Variants in EPB41L2 observed in about 807,000 individuals in gnomAD.
EPB41L2 encodes erythrocyte membrane protein band 4.1 like 2.
EPB41L2 carries 43 observed loss-of-function variants against 113.0 expected under a neutral mutation model. The ratio of observed to expected loss-of-function variants is 0.38; its 90% confidence interval spans 0.30 to 0.49. EPB41L2 has a LOEUF of 0.49. Ranked by LOEUF, EPB41L2 falls within the 20% of genes least tolerant of loss-of-function variation. The pLI, the probability that EPB41L2 is intolerant of heterozygous loss-of-function variation, is 0.95. For missense variants in EPB41L2, 1,147 were observed against 1,223.4 expected (o/e 0.94, Z 0.93); for synonymous variants, 442 against 436.7 (o/e 1.01, Z -0.15).
At chr6:131,036,583 T>A (rs563725049) in intron 1 of EPB41L2, among the ~76,000 whole-genome samples, 136 of 152,158 alleles carry the variant, frequency 8.9e-4, no homozygotes, top group Non-Finnish European at 1.7e-3. Context: ...TTGCCTCAAG[T>A]TTTTAAACTA....
chr6:131,002,004 T>C (rs555901011), intron 1 of EPB41L2, among the ~76,000 whole-genome samples: 35 of 152,336 alleles, frequency 2.3e-4, no homozygotes, highest in Admixed American at 1.2e-3. Context: ...CAGACATTCC[T>C]TCTCATCTCA....
Position 130,890,287 on chromosome 6 carries a change from T to C in EPB41L2, c.1660+7A>G. 6.3e-7 allele frequency: 1 copy of C among 1,596,402 alleles called. No homozygotes were observed. The highest frequency in any genetic ancestry group is 8.5e-7 in the Non-Finnish European group (1 of 1,172,826). On this transcript the variant is annotated splice_region_variant and intron_variant, in intron 11 of 19. Transcript: ENST00000337057. ...ATGAAAATCAAAATTATCATAAATGTGTTTACCTCCATCTAGACTCCTGGA... is the reference window on the plus strand; with the variant it reads ...ATGAAAATCAAAATTATCATAAATGCGTTTACCTCCATCTAGACTCCTGGA...
At chr6:130,922,419 T>A (rs1467365186) in intron 4 of EPB41L2, among the ~76,000 whole-genome samples, 1 of 152,242 alleles carries the variant, frequency 6.6e-6, no homozygotes, top group Non-Finnish European at 1.5e-5. Context: ...GTGATAGCTA[T>A]GAAAAACTGT....
Position 130,894,962 on chromosome 6 carries a change from C to T in EPB41L2, c.1389+5G>A, listed in dbSNP as rs1359706789. On this transcript the variant is annotated splice_donor_5th_base_variant and intron_variant, in intron 9 of 19. Coordinates refer to ENST00000337057, the MANE Select transcript of EPB41L2 (RefSeq NM_001431.4). Reference sequence around the variant, plus strand: ...CAACAACTGATTAGAAATGTCTTGGCTTACCTCTGCCGGTCTGACTTTAAT... The same window carrying T: ...CAACAACTGATTAGAAATGTCTTGGTTTACCTCTGCCGGTCTGACTTTAAT... The T allele has an allele frequency of 6.2e-7, 1 of 1,611,498 alleles. No individual in the cohort carries two copies. Among genetic ancestry groups the T allele is most frequent in the Non-Finnish European group, 8.5e-7 (1 of 1,178,430 alleles).
chr6:131,009,289 T>C (rs1308568505), intron 1 of EPB41L2, among the ~76,000 whole-genome samples: 2 of 152,170 alleles, frequency 1.3e-5, no homozygotes, highest in Non-Finnish European at 2.9e-5. Flanking sequence ...TGTGAAGAGC[T>C]GCCTTCCACC....
chr6:131,018,414 T>C (rs898973197), intron 1 of EPB41L2, among the ~76,000 whole-genome samples: 8 of 151,314 alleles, frequency 5.3e-5, no homozygotes, highest in African/African-American at 1.9e-4. Flanking sequence ...AAAATCAGGG[T>C]TGTGTTGGTA....
intron 1 of EPB41L2, among the ~76,000 whole-genome samples, chr6:131,058,632 A>G (rs1798055099): frequency 6.6e-6 from 1 of 152,258 alleles, no homozygotes; most frequent in African/African-American, 2.4e-5. Context: ...GGTGCTTCAC[A>G]TCACAAATAC....
intron 1 of EPB41L2, among the ~76,000 whole-genome samples, chr6:130,988,580 G>A (rs1245786304): frequency 6.6e-6 from 1 of 152,176 alleles, no homozygotes; most frequent in Non-Finnish European, 1.5e-5. Flanking sequence ...GGCATCCGAA[G>A]GGGCTGTAAA....
chr6:130,899,621 G>C, intron 7 of EPB41L2, 43 bp from the exon 8 acceptor site: 4 of 1,553,974 alleles, frequency 2.6e-6, no homozygotes, highest in Non-Finnish European at 3.6e-6. Flanking sequence ...AATGGATGCA[G>C]AGCAAATGTA....
intron 11 of EPB41L2, among the ~76,000 whole-genome samples, chr6:130,885,949 C>G (rs548026446): frequency 2.6e-5 from 4 of 152,162 alleles, no homozygotes; most frequent in Admixed American, 1.3e-4. Flanking sequence ...TACAGATAGG[C>G]AGAAATGTAC....
At chr6:130,980,089 G>A (rs1779052134) in intron 1 of EPB41L2, among the ~76,000 whole-genome samples, 1 of 152,198 alleles carries the variant, frequency 6.6e-6, no homozygotes, top group African/African-American at 2.4e-5. Context: ...GGCAAGGGCA[G>A]ATTGCTTCAG....
Position 130,861,142 on chromosome 6 carries a change from C to T in EPB41L2, c.2910+2496G>A, listed in dbSNP as rs548247813. 1.4e-4 allele frequency among the ~76,000 whole-genome samples: 22 copies of T among 151,862 alleles called. 1 individual carries two copies. The highest frequency in any genetic ancestry group is 1.2e-3 in the Admixed American group (19 of 15,266). On this transcript the variant is annotated intron_variant, in intron 18 of 19. Coordinates refer to ENST00000337057, the MANE Select transcript of EPB41L2 (RefSeq NM_001431.4). ...GGCTGGAGTGCAGTGGCGCCATCTC[C>T]GCTCACTGTAAGCTCTGCCTCCCAG...
chr6:130,955,137 A>C lies in EPB41L2; in HGVS notation c.673T>G (p.Leu225Val). 1 of 1,614,164 alleles carries C rather than the reference A, an allele frequency of 6.2e-7. No homozygotes were observed. The highest frequency in any genetic ancestry group is 2.2e-5 in the East Asian group (1 of 44,884). The change falls in exon 3 of 20, where the codon TTA becomes GTA. Residue 225 changes from leucine (L) to valine (V), a missense_variant. Leu to Val is a conservative substitution (Grantham distance 32). Transcript: ENST00000337057. ...TKTVQCKVTL[L>V]DGTEYSCDLE... The stretch of plus-strand genomic sequence containing the variant: ...TCACAGCTGTATTCGGTGCCATCTA[A>C]GAGGGTCACTTTACACTGGACAGTT...
At chr6:130,986,446 AAAAG>A (rs546630433) in intron 1 of EPB41L2, among the ~76,000 whole-genome samples, 3 of 152,336 alleles carry the variant, frequency 2.0e-5, no homozygotes, top group Non-Finnish European at 2.9e-5. Context: ...AAAGAAAAAA[AAAAG>A]AACTGTTGGC....
chr6:130,952,656 A>G (rs1004486407), intron 3 of EPB41L2, among the ~76,000 whole-genome samples: 7 of 152,134 alleles, frequency 4.6e-5, no homozygotes, highest in African/African-American at 1.4e-4. Flanking sequence ...CTAAAAATAC[A>G]AAAATTAGCT....
In EPB41L2 at chr6:130,843,049, C is replaced by T. The variant is rs576563828; in HGVS notation, c.*6-2451G>A. On this transcript the variant is annotated intron_variant, in intron 19 of 19. Transcript: ENST00000337057. Reference sequence around the variant, plus strand: ...GTTATTAGATATTGTGTCAAAACATCCCAGTTCCTTATTGGCGTGGATGAA... The same window carrying T: ...GTTATTAGATATTGTGTCAAAACATTCCAGTTCCTTATTGGCGTGGATGAA... Among the ~76,000 whole-genome samples, 5 of 152,264 alleles carry T rather than the reference C, an allele frequency of 3.3e-5. No individual in the cohort carries two copies. The East Asian group carries it at 5.8e-4, about 18-fold the overall frequency.
intron 1 of EPB41L2, among the ~76,000 whole-genome samples, chr6:131,058,186 C>T (rs1351487384): frequency 1.4e-5 from 2 of 143,328 alleles, no homozygotes; most frequent in Non-Finnish European, 3.0e-5. Flanking sequence ...ATGAAATTAG[C>T]TCAATTGCAA....
intron 14 of EPB41L2, among the ~76,000 whole-genome samples, chr6:130,876,445 G>A (rs1012571372): frequency 2.0e-5 from 3 of 152,144 alleles, no homozygotes; most frequent in Admixed American, 6.5e-5. Context: ...ATTGGTTGAT[G>A]TTTCTGTATT....
At chr6:131,035,522 C>A (rs1793119516) in intron 1 of EPB41L2, among the ~76,000 whole-genome samples, 1 of 152,174 alleles carries the variant, frequency 6.6e-6, no homozygotes, top group Admixed American at 6.5e-5. Context: ...CAACTGAAGT[C>A]AATAAATATT....
Sources: allele counts gnomAD v4.1 joint callset (sites outside exome capture counted in the v4.1 genomes callset), GRCh38; gene constraint gnomAD v4.1.1; transcripts MANE v1.5; gene names NCBI Gene and HGNC (gene_info 2026-07-23, HGNC 2026-07-21).